The following MAPK8IP3 variants were observed in gnomAD, a reference collection of about 807,000 sequenced individuals.
MAPK8IP3 encodes the protein mitogen-activated protein kinase 8 interacting protein 3.
MAPK8IP3 carries 49 observed loss-of-function variants against 157.8 expected under a neutral mutation model. The ratio of observed to expected loss-of-function variants is 0.31; its 90% CI spans 0.25 to 0.39. The LOEUF is 0.39. MAPK8IP3 is among the 10% of genes least tolerant of loss of function. The probability of loss-of-function intolerance (pLI) is 1.00; values close to 1 mark genes in which losing one functional copy is unlikely to be tolerated. For missense variants in MAPK8IP3, 1,478 were observed against 1,889.4 expected (o/e 0.78, Z 4.04); for synonymous variants, 897 against 777.7 (o/e 1.15, Z -2.55).
intron 1 of MAPK8IP3, among the ~76,000 whole-genome samples, chr16:1,719,960 C>T (rs1425704567): frequency 6.6e-6 from 1 of 152,228 alleles, no homozygotes; most frequent in East Asian, 1.9e-4. Flanking sequence ...TCTGAAGAGT[C>T]ACTTAGCAGT....
At position 1,768,895 on chromosome 16, in the gene MAPK8IP3, G is replaced by A; in HGVS notation, c.*71G>A. ...ACCTGACCCCCGCCCGGCCCGCGGG[G>A]TAGCCAGCCAGGCGCCGCCGCCCCT... On this transcript the variant is annotated 3_prime_UTR_variant, in exon 32 of 32. Transcript: ENST00000610761. 6.4e-7 allele frequency: 1 copy of A among 1,569,536 alleles called. No individual in the cohort carries two copies. Among genetic ancestry groups the A allele is most frequent in the South Asian group, 1.1e-5 (1 of 88,530 alleles).
chr16:1,737,964 G>A lies in MAPK8IP3; in HGVS notation c.603-5368G>A, dbSNP rs533255129. ...CGTGTGACTGTCCGTGTGAGCGTCC[G>A]TGTGAGCGTGTGACCGTCCGTGTGA... On this transcript the variant is annotated intron_variant, in intron 4 of 31. Transcript: ENST00000610761. 3.8e-5 allele frequency among the ~76,000 whole-genome samples: 3 copies of A among 78,696 alleles called. 1 individual carries two copies. The Admixed American group carries it at 4.1e-4, about 11-fold the overall frequency. 51.6% of individuals were successfully genotyped at this position (78,696 alleles called of 152,430 possible).
Position 1,768,162 on chromosome 16 carries a change from T to C in MAPK8IP3, c.3563-37T>C, listed in dbSNP as rs374362960. 3.7e-5 allele frequency: 59 copies of C among 1,611,940 alleles called. 1 individual carries two copies. Among genetic ancestry groups the C allele is most frequent in the Admixed American group, 1.7e-5 (1 of 59,982 alleles). On this transcript the variant is annotated intron_variant, in intron 29 of 31. Transcript: ENST00000610761. ...GGGAGCCTCTCCCACTCTCCACCTG[T>C]ATGCGGGCTCAGCGCCTCTGGGTTC...
In MAPK8IP3 at chr16:1,765,152, A is replaced by G; in HGVS notation, c.2420A>G (p.His807Arg). 1 of 1,606,222 alleles carries G rather than the reference A, an allele frequency of 6.2e-7. No homozygotes were observed. The highest frequency in any genetic ancestry group is 8.5e-7 in the Non-Finnish European group (1 of 1,174,606). The part of the protein sequence containing the change: ...VVDQFTVCNA[H>R]VLCISSIPAA... ...GACCAGTTCACCGTCTGCAACGCGC[A>G]CGTGCTGTGCATCTCCAGCATCCCC... is the stretch of plus-strand genomic sequence containing the variant. Residue 807 changes from histidine to arginine, a missense_variant, in exon 20 of 32, where the codon CAC (histidine) becomes CGC (arginine). Physicochemically the swap from His to Arg is conservative, Grantham distance 29. This residue lies in a region of MAPK8IP3 where 669 missense variants were observed against 759.8 expected (regional missense o/e 0.88). Transcript: ENST00000610761.
chr16:1,745,657 C>T (rs1442238790), intron 5 of MAPK8IP3: 1 of 152,286 alleles, frequency 6.6e-6, no homozygotes, highest in African/African-American at 2.4e-5. Flanking sequence ...CTTCCACCCA[C>T]GAAAGCCAGG....
chr16:1,768,409 C>G (rs754093767), intron 30 of MAPK8IP3, 31 bp downstream of exon 30: 3 of 1,597,980 alleles, frequency 1.9e-6, no homozygotes, highest in Non-Finnish European at 2.5e-6. Flanking sequence ...CCATCCACAT[C>G]CCCTGCATGC....
intron 1 of MAPK8IP3, among the ~76,000 whole-genome samples, chr16:1,722,792 C>T (rs2038615181): frequency 6.6e-6 from 1 of 152,010 alleles, no homozygotes; most frequent in South Asian, 2.1e-4. Flanking sequence ...ACAAGCTCTG[C>T]CTCCCAGGTT....
At chr16:1,708,694 G>A (rs2037559816) in intron 1 of MAPK8IP3, among the ~76,000 whole-genome samples, 1 of 152,052 alleles carries the variant, frequency 6.6e-6, no homozygotes, top group African/African-American at 2.4e-5. Flanking sequence ...ACCCACCATT[G>A]CCCCAGCGCT....
In MAPK8IP3 at chr16:1,741,256, G is replaced by T. The variant is rs529147820; in HGVS notation, c.603-2076G>T. On this transcript the variant is annotated intron_variant, in intron 4 of 31. Transcript: ENST00000610761. This position sits in a 1 kb window ranked among gnomAD's most constrained non-coding sequence, Gnocchi z 6.9. ...AGCATCTGCATCCCCTGAGGGAGCT[G>T]CGAGGACAAATCGGGAGGACGGGGT... 6.6e-6 allele frequency among the ~76,000 whole-genome samples: 1 copy of T among 152,308 alleles called. No homozygotes were observed. Among genetic ancestry groups the T allele is most frequent in the African/African-American group, 2.4e-5 (1 of 41,562 alleles).
rs776543096 is a variant in MAPK8IP3, at chr16:1,743,410, C to T, written c.681C>T (p.Leu227=). ...TACGTGCACAGATCGGGGGCAAGCTCGTGCCTGCGGGGGACCACTGGCACC... is the reference window on the plus strand; with the variant it reads ...TACGTGCACAGATCGGGGGCAAGCTTGTGCCTGCGGGGGACCACTGGCACC... ...GTVRAQIGGK[L]VPAGDHWHLS... Residue 227 remains leucine, a synonymous_variant, in exon 5 of 32, where the codon CTC becomes CTT. Coordinates refer to ENST00000610761, the MANE Select transcript of MAPK8IP3 (RefSeq NM_001318852.2). The surrounding 1 kb of genome is among the most constrained non-coding windows in gnomAD (Gnocchi z 5.6). 8 of 1,609,790 alleles carry T rather than the reference C, an allele frequency of 5.0e-6. No individual in the cohort carries two copies. Among genetic ancestry groups the T allele is most frequent in the African/African-American group, 4.0e-5 (3 of 74,718 alleles).
Position 1,765,129 on chromosome 16 carries a change from C to G in MAPK8IP3, c.2397C>G (p.Asp799Glu). The change falls in exon 20 of 32, where the codon GAC becomes GAG. Residue 799 changes from aspartate to glutamate, a missense_variant. Physicochemically the swap from Asp to Glu is conservative, Grantham distance 45. This residue lies in a region of MAPK8IP3 where 669 missense variants were observed against 759.8 expected (regional missense o/e 0.88). Transcript: ENST00000610761. ...CCAACCAGCCGGGCACGGTGGTGGA[C>G]CAGTTCACCGTCTGCAACGCGCACG... ...IDANQPGTVV[D>E]QFTVCNAHVL... 1 of 1,612,002 alleles carries G rather than the reference C, an allele frequency of 6.2e-7. No homozygotes were observed. The highest frequency in any genetic ancestry group is 1.1e-5 in the South Asian group (1 of 91,068).
chr16:1,740,161 C>T (rs1436193178), intron 4 of MAPK8IP3, among the ~76,000 whole-genome samples: 1 of 119,770 alleles, frequency 8.3e-6, no homozygotes, highest in Admixed American at 9.5e-5. Context: ...TGTGACCGTC[C>T]GTGTGAGCAT....
At position 1,742,547 on chromosome 16, in the gene MAPK8IP3, A is replaced by G. The variant is rs2040745475; in HGVS notation, c.603-785A>G. 6.6e-6 allele frequency among the ~76,000 whole-genome samples: 1 copy of G among 152,168 alleles called. No homozygotes were observed. Among genetic ancestry groups the G allele is most frequent in the Non-Finnish European group, 1.5e-5 (1 of 68,012 alleles). On this transcript the variant is annotated intron_variant, in intron 4 of 31. Coordinates refer to ENST00000610761, the MANE Select transcript of MAPK8IP3 (RefSeq NM_001318852.2). This position sits in a 1 kb window ranked among gnomAD's most constrained non-coding sequence, Gnocchi z 5.0. ...CTTACTCTGGATGTGTCGTGTTCAG[A>G]TATTTTGCAGTGAGGCAGCCTCATG...
intron 1 of MAPK8IP3, among the ~76,000 whole-genome samples, chr16:1,721,048 C>A (rs1224054223): frequency 5.6e-4 from 82 of 146,894 alleles, no homozygotes; most frequent in African/African-American, 1.5e-3. Context: ...AAAAAAAAAA[C>A]AAAACAAGGC....
rs1366289475 is a variant in MAPK8IP3 at position 1,710,928 on chromosome 16, A to T, written c.318+4271A>T. ...AAAAAGTGGAGCAAATACATGTAGG[A>T]ACCATGGAGAAGGAGGTACCTGCCA... On this transcript the variant is annotated intron_variant, in intron 1 of 31. Transcript: ENST00000610761. This position sits in a 1 kb window ranked among gnomAD's most constrained non-coding sequence, Gnocchi z 4.1. Among the ~76,000 whole-genome samples the T allele has an allele frequency of 6.6e-6, 1 of 152,204 alleles. No individual in the cohort carries two copies. The highest frequency in any genetic ancestry group is 1.9e-4 in the East Asian group (1 of 5,196).
At chr16:1,763,945 C>A in intron 17 of MAPK8IP3, 162 bp downstream of exon 17, 3 of 1,062,692 alleles carry the variant, frequency 2.8e-6, no homozygotes, top group Non-Finnish European at 3.9e-6. Flanking sequence ...GCCTCCTGGG[C>A]AGGGGTCTGG....
Position 1,706,756 on chromosome 16 carries a change from G to A in MAPK8IP3, c.318+99G>A, listed in dbSNP as rs1351255388. 1.9e-5 allele frequency: 23 copies of A among 1,234,268 alleles called. No homozygotes were observed. Among genetic ancestry groups the A allele is most frequent in the Admixed American group, 1.6e-4 (4 of 24,612 alleles). 76.5% of individuals were successfully genotyped at this position (1,234,268 alleles called of 1,614,324 possible). ...CCGTCCCGACCCCAGACCCCGCTCC[G>A]GCACCCCGGACCGCGGGACCCCTGG... is the stretch of plus-strand genomic sequence containing the variant. On this transcript the variant is annotated intron_variant, in intron 1 of 31. Coordinates refer to ENST00000610761, the MANE Select transcript of MAPK8IP3 (RefSeq NM_001318852.2). This position sits in a 1 kb window ranked among gnomAD's most constrained non-coding sequence, Gnocchi z 5.1.
At chr16:1,760,269 C>T in intron 11 of MAPK8IP3, 111 bp from the exon 12 acceptor site, 1 of 1,411,964 alleles carries the variant, frequency 7.1e-7, no homozygotes, top group Non-Finnish European at 9.7e-7. Flanking sequence ...AGCCACCTTC[C>T]TAACCAGGCT....
At position 1,724,696 on chromosome 16, in the gene MAPK8IP3, C is replaced by A. The variant is rs1415440442; in HGVS notation, c.439+19C>A. The A allele has an allele frequency of 3.7e-6, 6 of 1,605,676 alleles. No homozygotes were observed. Among genetic ancestry groups the A allele is most frequent in the Non-Finnish European group, 4.3e-6 (5 of 1,174,824 alleles). On this transcript the variant is annotated intron_variant, in intron 2 of 31. Transcript: ENST00000610761. This position sits in a 1 kb window ranked among gnomAD's most constrained non-coding sequence, Gnocchi z 4.1. ...GATCAGAGTAAGTGGCTGGCGGGAG[C>A]CTGGAGGCGCGCTTGATGGGCGCTG...
Sources: allele counts gnomAD v4.1 joint callset (sites outside exome capture counted in the v4.1 genomes callset), GRCh38; gene constraint gnomAD v4.1.1; regional missense constraint gnomAD v4.1.1; non-coding constraint Gnocchi (gnomAD v3.1); transcripts MANE v1.5; gene names NCBI Gene and HGNC (gene_info 2026-07-23, HGNC 2026-07-21).